Variants in PXDNL observed in about 807,000 individuals in gnomAD.
PXDNL encodes the protein peroxidasin like.
PXDNL carries 145 observed loss-of-function variants against 150.8 expected under a neutral mutation model. That is an observed-to-expected ratio of 0.96 (90% CI 0.84 to 1.10). The LOEUF (loss-of-function observed/expected upper bound fraction) is 1.10. Ranked by LOEUF, PXDNL falls within the 50% of genes least tolerant of loss-of-function variation. The pLI is 0.00. For missense variants in PXDNL, 2,087 were observed against 1,873.9 expected (o/e 1.11, Z -2.10); for synonymous variants, 757 against 725.7 (o/e 1.04, Z -0.69).
chr8:51,556,411 G>T (rs1563463088), intron 4 of PXDNL, among the ~76,000 whole-genome samples: 1 of 152,128 alleles, frequency 6.6e-6, no homozygotes, highest in Non-Finnish European at 1.5e-5. Flanking sequence ...TTAAAAGCTT[G>T]AACTTGTTTC....
At chr8:51,594,681 T>C (rs1813524061) in intron 2 of PXDNL, among the ~76,000 whole-genome samples, 1 of 152,214 alleles carries the variant, frequency 6.6e-6, no homozygotes, top group African/African-American at 2.4e-5. Flanking sequence ...CAGTTGAATG[T>C]ATTTTCCAAT....
At chr8:51,527,844 C>G (rs1585551242) in intron 4 of PXDNL, among the ~76,000 whole-genome samples, 1 of 152,140 alleles carries the variant, frequency 6.6e-6, no homozygotes, top group Non-Finnish European at 1.5e-5. Context: ...GAGAATCAGT[C>G]AGGGAAAATA....
intron 17 of PXDNL, among the ~76,000 whole-genome samples, chr8:51,405,528 A>G (rs1371333575): frequency 6.6e-6 from 1 of 152,226 alleles, no homozygotes; most frequent in Non-Finnish European, 1.5e-5. Context: ...TCCTAAAACC[A>G]CACTTGTAAA....
chr8:51,404,205 G>A (rs7002273), intron 17 of PXDNL, among the ~76,000 whole-genome samples: 18,741 of 152,228 alleles, frequency 0.12, 1,403 homozygotes, highest in East Asian at 0.3. Context: ...CGCAAAGAGC[G>A]AAAGAACAAA....
intron 3 of PXDNL, among the ~76,000 whole-genome samples, chr8:51,559,061 C>T (rs1322966308): frequency 2.6e-5 from 4 of 151,830 alleles, no homozygotes; most frequent in South Asian, 2.1e-4. Flanking sequence ...ATGTGGAAAC[C>T]GCATTCTTTG....
At chr8:51,511,739 C>A (rs935634485) in intron 4 of PXDNL, among the ~76,000 whole-genome samples, 9 of 152,158 alleles carry the variant, frequency 5.9e-5, no homozygotes, top group East Asian at 1.9e-4. Flanking sequence ...TGCACTCCCC[C>A]CTTTCTAGGG....
At chr8:51,556,779 A>G in intron 4 of PXDNL, 61 bp downstream of exon 4, 1 of 897,614 alleles carries the variant, frequency 1.1e-6, no homozygotes, top group Admixed American at 1.9e-5. Context: ...ATGGCATTTA[A>G]AAAGCTGTCT....
chr8:51,699,532 G>T (rs571987071), intron 1 of PXDNL, among the ~76,000 whole-genome samples: 5 of 152,126 alleles, frequency 3.3e-5, no homozygotes, highest in Non-Finnish European at 7.4e-5. Flanking sequence ...AGGCTGTTTC[G>T]CTTATTCATG....
intron 20 of PXDNL, 140 bp downstream of exon 20, chr8:51,345,693 T>C (rs1806129634): frequency 1.8e-6 from 1 of 568,938 alleles, no homozygotes; most frequent in South Asian, 2.2e-5. Context: ...ATTCATTCTG[T>C]GTTTTCTCCT....
chr8:51,388,246 C>G (rs1298366735), intron 17 of PXDNL, among the ~76,000 whole-genome samples: 1 of 152,092 alleles, frequency 6.6e-6, no homozygotes, highest in Non-Finnish European at 1.5e-5. Context: ...TATTCAATTA[C>G]TATTATTTTC....
At chr8:51,559,516 A>G (rs1279566604) in intron 3 of PXDNL, among the ~76,000 whole-genome samples, 3 of 152,042 alleles carry the variant, frequency 2.0e-5, no homozygotes, top group Non-Finnish European at 2.9e-5. Context: ...CATCACCCAG[A>G]GCACAATCTA....
At chr8:51,610,219 A>G (rs1180871623) in intron 2 of PXDNL, among the ~76,000 whole-genome samples, 1 of 152,170 alleles carries the variant, frequency 6.6e-6, no homozygotes, top group African/African-American at 2.4e-5. Flanking sequence ...AAGCAACAAG[A>G]AGCCTGTGCC....
intron 14 of PXDNL, among the ~76,000 whole-genome samples, chr8:51,420,579 A>G (rs1277682107): frequency 2.0e-5 from 3 of 152,202 alleles, no homozygotes; most frequent in Non-Finnish European, 4.4e-5. Flanking sequence ...ATTTTACTGT[A>G]TTATTATCTC....
In PXDNL at chr8:51,788,115, C is replaced by G. The variant is rs1445062412; in HGVS notation, c.164+21066G>C. ...AGGCTACAATATAGTGTAAACATAA[C>G]TTTTATATATCCTGCAAAACCAAAA... On this transcript the variant is annotated intron_variant, in intron 1 of 22. Transcript: ENST00000356297. Among the ~76,000 whole-genome samples the G allele has an allele frequency of 2.0e-5, 3 of 152,332 alleles. No individual in the cohort carries two copies. In the East Asian group the frequency reaches 5.8e-4, roughly 29 times the overall value.
intron 4 of PXDNL, among the ~76,000 whole-genome samples, chr8:51,525,975 G>A (rs569642906): frequency 2.4e-4 from 36 of 152,316 alleles, no homozygotes; most frequent in African/African-American, 6.7e-4. Context: ...TCACTCATAC[G>A]GTTCTTGTTA....
At chr8:51,566,514 G>A (rs1812832387) in intron 3 of PXDNL, among the ~76,000 whole-genome samples, 1 of 151,632 alleles carries the variant, frequency 6.6e-6, no homozygotes, top group Admixed American at 6.6e-5. Flanking sequence ...TGTGTGGTTT[G>A]TTACATTGTG....
chr8:51,723,804 G>A (rs1816774743), intron 1 of PXDNL, among the ~76,000 whole-genome samples: 2 of 152,132 alleles, frequency 1.3e-5, no homozygotes, highest in Admixed American at 6.6e-5. Flanking sequence ...GGCGCGGTCA[G>A]GCTTGCCTTT....
intron 17 of PXDNL, among the ~76,000 whole-genome samples, chr8:51,377,882 A>G (rs902233156): frequency 6.6e-6 from 1 of 152,204 alleles, no homozygotes; most frequent in African/African-American, 2.4e-5. Context: ...GGTCCCATCA[A>G]CTGCCCAAGG....
chr8:51,411,549 A>G, intron 15 of PXDNL, 142 bp from the exon 16 acceptor site: 1 of 700,344 alleles, frequency 1.4e-6, no homozygotes, highest in East Asian at 3.4e-5. Context: ...GGCTCTACAG[A>G]GGAGCTGTGG....
Sources: allele counts gnomAD v4.1 joint callset (sites outside exome capture counted in the v4.1 genomes callset), GRCh38; gene constraint gnomAD v4.1.1; transcripts MANE v1.5; gene names NCBI Gene and HGNC (gene_info 2026-07-23, HGNC 2026-07-21).